The following PTPRN2 variants were observed in gnomAD, a reference collection of about 807,000 sequenced individuals.
The protein encoded by PTPRN2 is receptor-type tyrosine-protein phosphatase N2.
Under a neutral mutation model 118.8 loss-of-function variants are expected in PTPRN2, and 74 were observed. The ratio of observed to expected loss-of-function variants is 0.62; its 90% CI spans 0.52 to 0.76. The LOEUF is 0.76. Among genes scored for constraint, PTPRN2 ranks in the 30% least tolerant of loss-of-function variants. PTPRN2 has a pLI of 0.00. For missense variants in PTPRN2, 1,481 were observed against 1,394.4 expected, an observed-to-expected ratio of 1.06 and a Z score of -0.99; for synonymous variants, 641 against 608.0, an observed-to-expected ratio of 1.05 and a Z score of -0.80.
Position 157,551,530 on chromosome 7 carries a change from C to G in PTPRN2, c.2903-2511G>C, listed in dbSNP as rs550869466. ...CCCCACACACCCCACTATCACACAC[C>G]CCACACACCCCACAGCCACCACACA... On this transcript the variant is annotated intron_variant, in intron 21 of 22. Transcript: ENST00000389418. Among the ~76,000 whole-genome samples the G allele has an allele frequency of 2.1e-5, 3 of 145,680 alleles. No homozygotes were observed. The East Asian group carries it at 6.3e-4, about 31-fold the overall frequency.
chr7:158,489,237 G>C (rs1821253133), intron 2 of PTPRN2, among the ~76,000 whole-genome samples: 1 of 152,210 alleles, frequency 6.6e-6, no homozygotes, highest in Non-Finnish European at 1.5e-5. Flanking sequence ...CCTGAAGTCA[G>C]GAGTTCGAGA....
chr7:158,398,092 C>T (rs1294951616), intron 2 of PTPRN2, among the ~76,000 whole-genome samples: 1 of 152,206 alleles, frequency 6.6e-6, no homozygotes, highest in Non-Finnish European at 1.5e-5. Context: ...TTCCATGGTC[C>T]TGAGGGACAC....
Position 158,023,068 on chromosome 7 carries a change from C to T in PTPRN2, c.1723+58230G>A, listed in dbSNP as rs577457659. Among the ~76,000 whole-genome samples the T allele has an allele frequency of 1.8e-4, 27 of 152,320 alleles. No individual in the cohort carries two copies. In the South Asian group the frequency reaches 3.3e-3, roughly 19 times the overall value. On this transcript the variant is annotated intron_variant, in intron 11 of 22. Transcript: ENST00000389418. ...ACAAAAATCACGGCACAAAGCAGAA[C>T]GGTGGCTGTTTTCTTGTGACTCATT...
intron 11 of PTPRN2, among the ~76,000 whole-genome samples, chr7:157,952,180 C>A (rs569448132): frequency 6.6e-6 from 1 of 152,116 alleles, no homozygotes. Flanking sequence ...GCCCTGGGAG[C>A]CCCCCAGAGC....
At chr7:158,296,308 T>C (rs975835755) in intron 3 of PTPRN2, among the ~76,000 whole-genome samples, 2 of 151,936 alleles carry the variant, frequency 1.3e-5, no homozygotes, top group African/African-American at 4.8e-5. Flanking sequence ...GCAGACTAGG[T>C]AGTTGGAGGA....
intron 2 of PTPRN2, among the ~76,000 whole-genome samples, chr7:158,402,270 G>A (rs968824584): frequency 4.6e-5 from 7 of 152,086 alleles, no homozygotes; most frequent in South Asian, 2.1e-4. Flanking sequence ...AGCTGTCCAC[G>A]GCACTAGGAG....
At chr7:157,956,159 G>A (rs760656668) in intron 11 of PTPRN2, among the ~76,000 whole-genome samples, 14 of 152,128 alleles carry the variant, frequency 9.2e-5, no homozygotes, top group Non-Finnish European at 1.8e-4. Context: ...GCCTAGGGAC[G>A]GCTGGTTTAA....
At chr7:158,078,476 A>G (rs184553346) in intron 11 of PTPRN2, among the ~76,000 whole-genome samples, 32 of 152,354 alleles carry the variant, frequency 2.1e-4, no homozygotes, top group Middle Eastern at 3.4e-3. Flanking sequence ...TGATGACACT[A>G]TTAGGATTCC....
intron 9 of PTPRN2, among the ~76,000 whole-genome samples, chr7:158,130,785 G>A (rs914853089): frequency 6.9e-6 from 1 of 144,788 alleles, no homozygotes; most frequent in Non-Finnish European, 1.5e-5. Context: ...ATGCACATAT[G>A]CACAAACCAA....
chr7:158,071,191 A>G (rs376076757), intron 11 of PTPRN2, among the ~76,000 whole-genome samples: 68 of 5,788 alleles, frequency 0.012, 6 homozygotes, highest in Admixed American at 0.026. Context: ...GGAGGTGCTC[A>G]TGGTGGTGGA....
At chr7:158,216,282 CAAAG>C (rs1827950367) in intron 3 of PTPRN2, among the ~76,000 whole-genome samples, 1 of 151,474 alleles carries the variant, frequency 6.6e-6, no homozygotes, top group Non-Finnish European at 1.5e-5. Flanking sequence ...TAAAGTAACT[CAAAG>C]GAAGGGAGGA....
intron 12 of PTPRN2, among the ~76,000 whole-genome samples, chr7:157,847,136 T>C (rs2151196712): frequency 7.3e-6 from 1 of 136,770 alleles, no homozygotes; most frequent in East Asian, 2.5e-4. Flanking sequence ...CAGAGCCCTC[T>C]CTCACTCCAT....
intron 1 of PTPRN2, among the ~76,000 whole-genome samples, chr7:158,490,336 A>G (rs1010345741): frequency 6.6e-6 from 1 of 152,170 alleles, no homozygotes; most frequent in Non-Finnish European, 1.5e-5. Context: ...GGCAGCAGAG[A>G]CGAAGACGGG....
At chr7:157,646,374 G>A (rs923353172) in intron 14 of PTPRN2, among the ~76,000 whole-genome samples, 1 of 152,120 alleles carries the variant, frequency 6.6e-6, no homozygotes, top group African/African-American at 2.4e-5. Flanking sequence ...TCCTGCACCT[G>A]CCATGTGACG....
chr7:157,781,742 T>C (rs80310934), intron 12 of PTPRN2, among the ~76,000 whole-genome samples: 2,644 of 152,334 alleles, frequency 0.017, 32 homozygotes, highest in Middle Eastern at 0.041. Context: ...TCAAGTCATC[T>C]GACTTCACAG....
In PTPRN2 at chr7:157,840,684, G is replaced by A. The variant is rs190191595; in HGVS notation, c.1788+57989C>T. Reference sequence around the variant, plus strand: ...GGACAGTGGATGACCCGATGCTGACGCTGGCACCTGATCACTCACAGCCGC... The same window carrying A: ...GGACAGTGGATGACCCGATGCTGACACTGGCACCTGATCACTCACAGCCGC... On this transcript the variant is annotated intron_variant, in intron 12 of 22. Transcript: ENST00000389418. 1.3e-3 allele frequency among the ~76,000 whole-genome samples: 204 copies of A among 152,338 alleles called. 1 individual carries two copies. The highest frequency in any genetic ancestry group is 4.7e-3 in the African/African-American group (194 of 41,578).
At position 158,271,931 on chromosome 7, in the gene PTPRN2, C is replaced by T. The variant is rs187273657; in HGVS notation, c.277+44888G>A. On this transcript the variant is annotated intron_variant, in intron 3 of 22. Coordinates refer to ENST00000389418, the MANE Select transcript of PTPRN2 (RefSeq NM_002847.5). Reference sequence around the variant, plus strand: ...GTAGGAACTGGAGGCGTGGGGTAGGCGGACACAAACCTTCAGTCGCTATGG... The same window carrying T: ...GTAGGAACTGGAGGCGTGGGGTAGGTGGACACAAACCTTCAGTCGCTATGG... Among the ~76,000 whole-genome samples, 355 of 151,596 alleles carry T rather than the reference C, an allele frequency of 2.3e-3. 4 individuals are homozygous for T. Among genetic ancestry groups the T allele is most frequent in the Admixed American group, 0.011 (160 of 15,220 alleles).
At chr7:158,352,166 TGACCGCTCCCCTCCTGTCCGCTCCCCTCC>T in intron 2 of PTPRN2, among the ~76,000 whole-genome samples, 3 of 3,576 alleles carry the variant, frequency 8.4e-4, no homozygotes, top group African/African-American at 4.5e-3. Context: ...GCTCCCCTCC[TGACCGCTCCCCTCCTGTCCGCTCCCCTCC>T]TGACTGCTCC....
intron 3 of PTPRN2, among the ~76,000 whole-genome samples, chr7:158,294,905 C>A (rs1390768828): frequency 7.3e-6 from 1 of 136,270 alleles, no homozygotes; most frequent in African/African-American, 2.8e-5. Flanking sequence ...CCTGTCTGCC[C>A]AGACACTGCG....
Sources: allele counts gnomAD v4.1 joint callset (sites outside exome capture counted in the v4.1 genomes callset), GRCh38; gene constraint gnomAD v4.1.1; transcripts MANE v1.5; gene names NCBI Gene and HGNC (gene_info 2026-07-23, HGNC 2026-07-21).